Variants in NFIA observed in about 807,000 individuals in gnomAD.
NFIA encodes nuclear factor I A.
NFIA carries 8 observed loss-of-function variants against 62.8 expected under a neutral mutation model. That is an observed-to-expected ratio of 0.13 (90% CI 0.07 to 0.23). The LOEUF (loss-of-function observed/expected upper bound fraction) is 0.23, where lower values mean the gene tolerates loss of function less well. Among genes scored for constraint, NFIA ranks in the 10% least tolerant of loss-of-function variants. The probability of loss-of-function intolerance (pLI) is 1.00; values close to 1 mark genes in which losing one functional copy is unlikely to be tolerated. For missense variants in NFIA, 410 were observed against 642.1 expected, an observed-to-expected ratio of 0.64 and a Z score of 3.91; for synonymous variants, 235 against 238.1, an observed-to-expected ratio of 0.99 and a Z score of 0.12.
chr1:61,087,355 A>G (rs1195041068), intron 1 of NFIA, among the ~76,000 whole-genome samples: 1 of 152,072 alleles, frequency 6.6e-6, no homozygotes, highest in Non-Finnish European at 1.5e-5. Context: ...AATTAAATGT[A>G]TTCATGTATG....
upstream of NFIA, chr1:61,082,498 C>G: frequency 8.5e-7 from 1 of 1,181,662 alleles, no homozygotes. Flanking sequence ...GGAAAGGGTG[C>G]GCTATGCCTT....
intron 3 of NFIA, among the ~76,000 whole-genome samples, chr1:61,321,818 T>C (rs1426441986): frequency 6.6e-6 from 1 of 152,196 alleles, no homozygotes; most frequent in African/African-American, 2.4e-5. Flanking sequence ...TTTTTAGATA[T>C]TTTGATATCT....
intron 3 of NFIA, among the ~76,000 whole-genome samples, chr1:61,303,901 G>T (rs945092162): frequency 1.3e-5 from 2 of 152,154 alleles, no homozygotes; most frequent in Non-Finnish European, 2.9e-5. Context: ...TCTTTATGCT[G>T]TTCCGAGTAC....
intron 2 of NFIA, among the ~76,000 whole-genome samples, chr1:61,199,864 G>A (rs981486538): frequency 8.6e-5 from 13 of 151,278 alleles, no homozygotes; most frequent in Non-Finnish European, 1.3e-4. Context: ...GCGTGGTTGT[G>A]CGTGCCTGTA....
At chr1:61,399,382 T>C (rs1665441526) in intron 7 of NFIA, among the ~76,000 whole-genome samples, 1 of 152,218 alleles carries the variant, frequency 6.6e-6, no homozygotes, top group Admixed American at 6.5e-5. Context: ...ACAGCTTTTC[T>C]TTGGAGCCTC....
chr1:61,303,458 T>C (rs1659595190), intron 3 of NFIA, among the ~76,000 whole-genome samples: 1 of 152,248 alleles, frequency 6.6e-6, no homozygotes, highest in African/African-American at 2.4e-5. Flanking sequence ...AGAGTAGTTT[T>C]GGTTTGAAAG....
rs868535558 is a variant in NFIA at position 61,112,540 on chromosome 1, T to C, written c.559+23860T>C. On this transcript the variant is annotated intron_variant, in intron 2 of 10. Coordinates refer to ENST00000403491, the MANE Select transcript of NFIA (RefSeq NM_001134673.4). ...GGCTATTGCTGGACTCTTAAGATTG[T>C]CTTGTAATTGTCTTTTTGTTGTTGT... Among the ~76,000 whole-genome samples the C allele has an allele frequency of 1.8e-4, 28 of 152,296 alleles. 1 individual carries two copies. The Middle Eastern group carries it at 0.01, about 56-fold the overall frequency.
At chr1:61,280,357 T>C (rs910531447) in intron 3 of NFIA, among the ~76,000 whole-genome samples, 2 of 152,234 alleles carry the variant, frequency 1.3e-5, no homozygotes, top group African/African-American at 4.8e-5. Flanking sequence ...AACAAAGCTC[T>C]AAGAAATTTT....
intron 3 of NFIA, among the ~76,000 whole-genome samples, chr1:61,328,607 G>C (rs1474679754): frequency 6.6e-6 from 1 of 151,808 alleles, no homozygotes; most frequent in Non-Finnish European, 1.5e-5. Flanking sequence ...TTTTAGTAGA[G>C]ACAGGATTTC....
intron 2 of NFIA, among the ~76,000 whole-genome samples, chr1:61,258,272 A>C (rs1363489279): frequency 3.9e-5 from 6 of 152,214 alleles, no homozygotes; most frequent in African/African-American, 1.2e-4. Flanking sequence ...ATCATGCCAA[A>C]GATAAAAGCA....
At chr1:61,200,074 A>G (rs1405752634) in intron 2 of NFIA, among the ~76,000 whole-genome samples, 3 of 121,164 alleles carry the variant, frequency 2.5e-5, no homozygotes, top group African/African-American at 9.2e-5. Flanking sequence ...ATATGTATGT[A>G]TGTTGAGCTA....
intron 2 of NFIA, among the ~76,000 whole-genome samples, chr1:61,090,455 G>A (rs1366499797): frequency 2.0e-5 from 3 of 152,092 alleles, no homozygotes; most frequent in Admixed American, 6.5e-5. Flanking sequence ...TCCATTCTAA[G>A]TTTTCGTCTT....
At position 61,302,742 on chromosome 1, in the gene NFIA, G is replaced by GA. The variant is rs199551521; in HGVS notation, c.625+25163dup. 3.2e-3 allele frequency among the ~76,000 whole-genome samples: 485 copies of GA among 152,132 alleles called. 4 individuals are homozygous for GA. The highest frequency in any genetic ancestry group is 0.011 in the African/African-American group (442 of 41,526). On this transcript the variant is annotated intron_variant, in intron 3 of 10. Transcript: ENST00000403491. ...CCAAACATTTTATTGCAATATTTTG[G>GA]AAAAAACATCCACAAACAAACCTAA...
intron 2 of NFIA, among the ~76,000 whole-genome samples, chr1:61,141,876 A>T (rs796739860): frequency 6.6e-6 from 1 of 152,220 alleles, no homozygotes; most frequent in Non-Finnish European, 1.5e-5. Context: ...TTCTGCTGAC[A>T]TAATAGGTAT....
In NFIA at chr1:61,238,410, G is replaced by A. The variant is rs187079724; in HGVS notation, c.560-39110G>A. The stretch of plus-strand genomic sequence containing the variant: ...TTTATGAACTTTCAGAGTCATATGC[G>A]GTATCTTCAGACATCATCGGAAAAG... On this transcript the variant is annotated intron_variant, in intron 2 of 10. Coordinates refer to ENST00000403491, the MANE Select transcript of NFIA (RefSeq NM_001134673.4). Among the ~76,000 whole-genome samples, 16 of 152,250 alleles carry A rather than the reference G, an allele frequency of 1.1e-4. No individual in the cohort carries two copies. The South Asian group carries it at 2.3e-3, about 22-fold the overall frequency.
At chr1:61,251,403 A>G (rs943335771) in intron 2 of NFIA, 3 of 152,146 alleles carry the variant, frequency 2.0e-5, no homozygotes, top group African/African-American at 7.2e-5. Context: ...ACTTTGCAAA[A>G]GTTGCTGGGA....
chr1:61,418,175 A>G (rs1167645102), intron 9 of NFIA, among the ~76,000 whole-genome samples: 3 of 152,232 alleles, frequency 2.0e-5, no homozygotes, highest in African/African-American at 7.2e-5. Flanking sequence ...AAAATCATCC[A>G]TAATCCGGCT....
rs553640366 is a variant in NFIA at position 61,161,725 on chromosome 1, G to A, written c.559+73045G>A. Among the ~76,000 whole-genome samples, 11 of 152,002 alleles carry A rather than the reference G, an allele frequency of 7.2e-5. No homozygotes were observed. The South Asian group carries it at 8.3e-4, about 11-fold the overall frequency. On this transcript the variant is annotated intron_variant, in intron 2 of 10. Transcript: ENST00000403491. ...TGTGTTTATGTGTGTATGTGTATCC[G>A]TATACATTTACATTTATATATACAC... is the stretch of plus-strand genomic sequence containing the variant.
chr1:61,166,416 A>G (rs1649570201), intron 2 of NFIA, among the ~76,000 whole-genome samples: 1 of 152,188 alleles, frequency 6.6e-6, no homozygotes, highest in African/African-American at 2.4e-5. Flanking sequence ...TCTGTGTTCC[A>G]TACTCATTTC....
Sources: allele counts gnomAD v4.1 joint callset (sites outside exome capture counted in the v4.1 genomes callset), GRCh38; gene constraint gnomAD v4.1.1; transcripts MANE v1.5; gene names NCBI Gene and HGNC (gene_info 2026-07-23, HGNC 2026-07-21).